The following CAMKMT variants were observed in gnomAD, a reference collection of about 807,000 sequenced individuals.
The protein encoded by CAMKMT is CaM KMT.
In CAMKMT, 53 loss-of-function variants were observed where a neutral mutation model predicts 48.0. The ratio of observed to expected loss-of-function variants is 1.10; its 90% CI spans 0.89 to 1.39. The LOEUF is 1.39. Ranked by LOEUF, CAMKMT falls within the 40% of genes most tolerant of loss-of-function variation. The pLI is 0.00. For synonymous variants in CAMKMT, 165 were observed against 152.3 expected, an observed-to-expected ratio of 1.08 and a Z score of -0.61; for missense variants, 428 against 402.7, an observed-to-expected ratio of 1.06 and a Z score of -0.54.
chr2:44,686,154 G>A (rs2966378), intron 3 of CAMKMT, among the ~76,000 whole-genome samples: 1 of 152,142 alleles, frequency 6.6e-6, no homozygotes, highest in Non-Finnish European at 1.5e-5. Flanking sequence ...AGCACTTTGG[G>A]AGGCTGAGGT....
chr2:44,465,246 T>C (rs1356033583), intron 3 of CAMKMT, among the ~76,000 whole-genome samples: 2 of 151,496 alleles, frequency 1.3e-5, no homozygotes, highest in South Asian at 4.2e-4. Context: ...ACAAAGAAAA[T>C]ACCTACAGAA....
chr2:44,394,183 T>G (rs1681607057), intron 3 of CAMKMT, among the ~76,000 whole-genome samples: 1 of 152,156 alleles, frequency 6.6e-6, no homozygotes, highest in Non-Finnish European at 1.5e-5. Flanking sequence ...TTAAATCATT[T>G]CAGTAATATC....
At chr2:44,427,142 CAT>C (rs1684328570) in intron 3 of CAMKMT, among the ~76,000 whole-genome samples, 1 of 152,056 alleles carries the variant, frequency 6.6e-6, no homozygotes, top group African/African-American at 2.4e-5. Context: ...TACCTCTGAC[CAT>C]ATACAAAAAC....
intron 3 of CAMKMT, among the ~76,000 whole-genome samples, chr2:44,628,130 T>C (rs1321537143): frequency 6.6e-6 from 1 of 152,160 alleles, no homozygotes; most frequent in Non-Finnish European, 1.5e-5. Context: ...AATTTTTTTG[T>C]AGAGATGGCA....
At chr2:44,400,332 A>AT (rs907869213) in intron 3 of CAMKMT, among the ~76,000 whole-genome samples, 8 of 151,866 alleles carry the variant, frequency 5.3e-5, no homozygotes, top group Non-Finnish European at 2.9e-5. Flanking sequence ...AAAAATGTCG[A>AT]TTTTTCAGTT....
At chr2:44,580,434 A>G (rs777806383) in intron 3 of CAMKMT, among the ~76,000 whole-genome samples, 3 of 152,172 alleles carry the variant, frequency 2.0e-5, no homozygotes, top group Non-Finnish European at 4.4e-5. Context: ...AGGAAAAACC[A>G]TGGTCACAGG....
chr2:44,593,753 A>C (rs1032483339), intron 3 of CAMKMT, among the ~76,000 whole-genome samples: 2 of 143,948 alleles, frequency 1.4e-5, no homozygotes, highest in South Asian at 4.4e-4. Flanking sequence ...TTTTTGAAAA[A>C]GACAACTTCC....
intron 3 of CAMKMT, among the ~76,000 whole-genome samples, chr2:44,430,840 A>T (rs1451369911): frequency 6.6e-6 from 1 of 152,216 alleles, no homozygotes; most frequent in African/African-American, 2.4e-5. Flanking sequence ...CAAGGAATTA[A>T]GTAGGGTAAA....
intron 3 of CAMKMT, among the ~76,000 whole-genome samples, chr2:44,635,291 G>T (rs913993414): frequency 1.4e-4 from 21 of 152,080 alleles, no homozygotes; most frequent in African/African-American, 5.1e-4. Context: ...ACCTTAATTG[G>T]TACCCTAAGG....
chr2:44,533,409 T>C (rs752868833), intron 3 of CAMKMT, among the ~76,000 whole-genome samples: 16 of 152,076 alleles, frequency 1.1e-4, no homozygotes, highest in Middle Eastern at 3.4e-3. Flanking sequence ...CAGCTGATTT[T>C]TGTATTTTTA....
At chr2:44,564,324 G>A (rs867353243) in intron 3 of CAMKMT, among the ~76,000 whole-genome samples, 8 of 149,890 alleles carry the variant, frequency 5.3e-5, no homozygotes, top group Middle Eastern at 3.6e-3. Context: ...ACAGGAGCGC[G>A]CCACTATGCC....
chr2:44,598,026 C>T (rs1179624269), intron 3 of CAMKMT, among the ~76,000 whole-genome samples: 4 of 151,230 alleles, frequency 2.6e-5, no homozygotes, highest in East Asian at 1.9e-4. Context: ...TGAGCCACCG[C>T]ACCCAGCCTA....
chr2:44,394,572 C>A (rs765078438), intron 3 of CAMKMT, among the ~76,000 whole-genome samples: 10 of 151,982 alleles, frequency 6.6e-5, no homozygotes, highest in Non-Finnish European at 1.5e-4. Context: ...GGATTACAGG[C>A]GCCTGCTACT....
At chr2:44,462,383 G>A (rs1243489997) in intron 3 of CAMKMT, among the ~76,000 whole-genome samples, 1 of 151,938 alleles carries the variant, frequency 6.6e-6, no homozygotes. Context: ...AGTTTATAAT[G>A]TGCATATGAT....
At chr2:44,455,303 C>T (rs1400086259) in intron 3 of CAMKMT, among the ~76,000 whole-genome samples, 1 of 151,990 alleles carries the variant, frequency 6.6e-6, no homozygotes, top group African/African-American at 2.4e-5. Flanking sequence ...AAGTCACCAG[C>T]GATTCCAGTG....
At chr2:44,377,026 T>A (rs1455415715) in intron 2 of CAMKMT, among the ~76,000 whole-genome samples, 2 of 152,118 alleles carry the variant, frequency 1.3e-5, no homozygotes, top group African/African-American at 4.8e-5. Flanking sequence ...TCCTCTTTTT[T>A]GAGACGGTCT....
intron 3 of CAMKMT, among the ~76,000 whole-genome samples, chr2:44,522,243 G>A (rs1243830653): frequency 1.3e-5 from 2 of 152,030 alleles, no homozygotes; most frequent in African/African-American, 4.8e-5. Flanking sequence ...CTGACCTCGT[G>A]ATATGCTCGC....
chr2:44,485,665 A>C (rs1443856541), intron 3 of CAMKMT, among the ~76,000 whole-genome samples: 3 of 152,194 alleles, frequency 2.0e-5, no homozygotes, highest in Admixed American at 6.5e-5. Context: ...CTGTAACACA[A>C]TGGTAAGTAT....
Position 44,624,896 on chromosome 2 carries a change from A to C in CAMKMT, c.377-79387A>C, listed in dbSNP as rs185899295. Among the ~76,000 whole-genome samples, 3 of 152,278 alleles carry C rather than the reference A, an allele frequency of 2.0e-5. No individual in the cohort carries two copies. In the East Asian group the frequency reaches 5.8e-4, roughly 29 times the overall value. ...TCTAGTTCTAGATCCCTGAGGAATC[A>C]CCACACTGACTTCCACAATGGTTGA... is the stretch of plus-strand genomic sequence containing the variant. On this transcript the variant is annotated intron_variant, in intron 3 of 10. Transcript: ENST00000378494.
Sources: gnomAD v4.1 joint callset for allele counts (sites outside exome capture counted in the v4.1 genomes callset) on GRCh38, gnomAD v4.1.1 for gene constraint, MANE v1.5 for transcripts, NCBI Gene and HGNC (gene_info 2026-07-23, HGNC 2026-07-21) for gene names.